Variants in ZPBP observed in about 807,000 individuals in gnomAD.
ZPBP encodes the protein zona pellucida binding protein, also known as zona pellucida-binding protein 1.
In ZPBP, 26 loss-of-function variants were observed where a neutral mutation model predicts 44.8. The observed-to-expected ratio is 0.58, with a 90% CI of 0.43 to 0.81. The LOEUF (loss-of-function observed/expected upper bound fraction) is 0.81, where lower values mean the gene tolerates loss of function less well. Ranked by LOEUF, ZPBP falls within the 30% of genes least tolerant of loss-of-function variation. The pLI is 0.00. For synonymous variants in ZPBP, 174 were observed against 153.2 expected, an observed-to-expected ratio of 1.14 and a Z score of -1.00; for missense variants, 409 against 434.0, an observed-to-expected ratio of 0.94 and a Z score of 0.51.
At chr7:49,974,244 T>A (rs1252690093) in intron 7 of ZPBP, among the ~76,000 whole-genome samples, 2 of 152,180 alleles carry the variant, frequency 1.3e-5, no homozygotes, top group African/African-American at 4.8e-5. Context: ...TGAATGTACT[T>A]ACCACTACTG....
At chr7:49,989,895 C>T (rs1797482487) in intron 6 of ZPBP, among the ~76,000 whole-genome samples, 1 of 152,178 alleles carries the variant, frequency 6.6e-6, no homozygotes, top group Non-Finnish European at 1.5e-5. Flanking sequence ...AGTCAAGACC[C>T]ATCACCCAAT....
At chr7:49,989,805 G>A (rs1797479039) in intron 6 of ZPBP, among the ~76,000 whole-genome samples, 1 of 152,124 alleles carries the variant, frequency 6.6e-6, no homozygotes, top group South Asian at 2.1e-4. Context: ...TGAAAATTCT[G>A]CCAGGTGATA....
chr7:49,946,413 G>C (rs768039287), intron 7 of ZPBP, among the ~76,000 whole-genome samples: 5 of 151,868 alleles, frequency 3.3e-5, no homozygotes, highest in Non-Finnish European at 5.9e-5. Context: ...TGTTTTTCTG[G>C]GGAAGTCTTT....
intron 4 of ZPBP, among the ~76,000 whole-genome samples, chr7:50,051,350 T>C (rs1800684969): frequency 1.3e-5 from 2 of 152,138 alleles, no homozygotes; most frequent in Admixed American, 1.3e-4. Context: ...GTAAATTAGT[T>C]CAACCATTGT....
At chr7:50,026,362 T>C (rs759336655) in intron 5 of ZPBP, among the ~76,000 whole-genome samples, 1 of 151,804 alleles carries the variant, frequency 6.6e-6, no homozygotes, top group Non-Finnish European at 1.5e-5. Context: ...ATACTGCACC[T>C]TCAATATTGA....
Position 49,911,878 on chromosome 7 carries a change from T to C in ZPBP, n.412-10663A>G, listed in dbSNP as rs142147376. ...TGCCACTGCACTCCAGCCTGGGTGA[T>C]AGAGCAAGACTCTGTCTCAAAAACA... On this transcript the variant is annotated intron_variant and non_coding_transcript_variant, in intron 1 of 2. Transcript: ENST00000465922. Among the ~76,000 whole-genome samples the C allele has an allele frequency of 7.7e-3, 1,143 of 148,592 alleles. 25 individuals are homozygous for C. Among genetic ancestry groups the C allele is most frequent in the African/African-American group, 0.027 (1,083 of 40,062 alleles).
At position 49,874,781 on chromosome 7, in the gene ZPBP, G is replaced by A. The variant is rs140836263; in HGVS notation, n.510-24267C>T. Among the ~76,000 whole-genome samples the A allele has an allele frequency of 2.0e-4, 31 of 152,238 alleles. 2 individuals are homozygous for A. In the East Asian group the frequency reaches 6.0e-3, roughly 29 times the overall value. ...GGACTGTGAGGTGATGAGAGACCAG[G>A]AGCCTCACGTCTCACTTGTCTATCC... On this transcript the variant is annotated intron_variant and non_coding_transcript_variant, in intron 2 of 2. Transcript: ENST00000465922.
intron 1 of ZPBP, among the ~76,000 whole-genome samples, chr7:49,924,954 G>A (rs1794177131): frequency 6.6e-6 from 1 of 152,164 alleles, no homozygotes; most frequent in Non-Finnish European, 1.5e-5. Flanking sequence ...GGAAAAGGAT[G>A]ATCTAACAGC....
At chr7:50,018,968 A>T (rs767956257) in intron 5 of ZPBP, among the ~76,000 whole-genome samples, 2 of 152,044 alleles carry the variant, frequency 1.3e-5, no homozygotes, top group African/African-American at 2.4e-5. Flanking sequence ...TCTCTGCAAG[A>T]TCATCTGAGA....
At chr7:49,937,367 A>C (rs1006188424), downstream of ZPBP, 32 of 607,256 alleles carry the variant, frequency 5.3e-5, no homozygotes, top group Middle Eastern at 4.5e-4. Context: ...AGACTAGAGG[A>C]TTTTCATCCT....
chr7:50,037,680 A>C (rs1165560071), intron 4 of ZPBP, among the ~76,000 whole-genome samples: 1 of 152,162 alleles, frequency 6.6e-6, no homozygotes, highest in East Asian at 1.9e-4. Flanking sequence ...AAAATTGGGG[A>C]GTACAATTAA....
intron 5 of ZPBP, among the ~76,000 whole-genome samples, chr7:50,030,683 A>C (rs554322147): frequency 1.1e-4 from 17 of 152,116 alleles, no homozygotes; most frequent in Non-Finnish European, 1.9e-4. Flanking sequence ...ATAAAGTCCA[A>C]TTCTTTGTTT....
intron 4 of ZPBP, among the ~76,000 whole-genome samples, chr7:50,055,647 A>G (rs560973568): frequency 5.9e-5 from 9 of 152,202 alleles, no homozygotes; most frequent in Non-Finnish European, 1.3e-4. Context: ...AATACATTTA[A>G]TATAAATAAA....
At chr7:49,889,407 T>C (rs1056879836) in intron 2 of ZPBP, among the ~76,000 whole-genome samples, 4 of 152,236 alleles carry the variant, frequency 2.6e-5, no homozygotes, top group African/African-American at 9.7e-5. Flanking sequence ...CTTTCCCACA[T>C]ACTTGAAATT....
chr7:49,985,641 CAAA>C (rs199820024), intron 6 of ZPBP, among the ~76,000 whole-genome samples: 131 of 120,750 alleles, frequency 1.1e-3, no homozygotes, highest in Admixed American at 1.2e-3. Context: ...ATACCCCATG[CAAA>C]AAAAAAAAAA....
intron 7 of ZPBP, among the ~76,000 whole-genome samples, chr7:49,964,964 T>C (rs1796001778): frequency 6.6e-6 from 1 of 152,120 alleles, no homozygotes. Context: ...ATAACCAATG[T>C]TCACACAGGG....
chr7:49,936,210 A>G (rs1251364083), downstream of ZPBP: 4 of 152,212 alleles, frequency 2.6e-5, no homozygotes, highest in Non-Finnish European at 1.5e-5. Flanking sequence ...GTGTAATGTG[A>G]ATATGTCACT....
rs144938412 is a variant in ZPBP at position 50,067,694 on chromosome 7, G to A, written c.335-9553C>T. Among the ~76,000 whole-genome samples, 182 of 152,278 alleles carry A rather than the reference G, an allele frequency of 1.2e-3. 2 individuals carry two copies. Among genetic ancestry groups the A allele is most frequent in the African/African-American group, 4.1e-3 (170 of 41,560 alleles). ...GAAAAGGGCCTCCTGTCACTGACTC[G>A]ATGAGGAGCAACATAGCCGGGTTTA... On this transcript the variant is annotated intron_variant, in intron 3 of 7. Transcript: ENST00000046087.
intron 3 of ZPBP, among the ~76,000 whole-genome samples, chr7:50,070,259 C>T (rs560048659): frequency 6.6e-5 from 10 of 152,288 alleles, no homozygotes; most frequent in South Asian, 4.1e-4. Context: ...CCACTTCTGC[C>T]GCCCCCAGCC....
Sources: gnomAD v4.1 joint callset for allele counts (sites outside exome capture counted in the v4.1 genomes callset) on GRCh38, gnomAD v4.1.1 for gene constraint, MANE v1.5 for transcripts, NCBI Gene and HGNC (gene_info 2026-07-23, HGNC 2026-07-21) for gene names.